CDH4: variants seen among roughly 807,000 people sequenced by gnomAD.
CDH4 encodes the protein cadherin-4.
CDH4 carries 33 observed loss-of-function variants against 86.0 expected under a neutral mutation model. That is an observed-to-expected ratio of 0.38 (90% CI 0.29 to 0.51). The LOEUF is 0.51. Ranked by LOEUF, CDH4 falls within the 20% of genes least tolerant of loss-of-function variation. The pLI is 0.86. For missense variants in CDH4, 1,114 were observed against 1,307.4 expected (o/e 0.85, Z 2.28); for synonymous variants, 555 against 549.4 (o/e 1.01, Z -0.14).
At chr20:61,422,909 A>C (rs2085188043) in intron 2 of CDH4, among the ~76,000 whole-genome samples, 1 of 152,180 alleles carries the variant, frequency 6.6e-6, no homozygotes, top group Admixed American at 6.5e-5. Context: ...TCAGGTGTCA[A>C]TCAGGATTCC....
chr20:61,933,360 C>T (rs529914124), intron 14 of CDH4, among the ~76,000 whole-genome samples: 1 of 152,360 alleles, frequency 6.6e-6, no homozygotes, highest in South Asian at 2.1e-4. Context: ...CCTCCCATCA[C>T]CAGCCCCAGC....
At chr20:61,430,927 G>A (rs1937385004) in intron 2 of CDH4, among the ~76,000 whole-genome samples, 1 of 152,204 alleles carries the variant, frequency 6.6e-6, no homozygotes, top group Admixed American at 6.5e-5. Context: ...GGGTTCCTGT[G>A]GAACAGGGTG....
intron 2 of CDH4, chr20:61,570,831 T>G (rs73136669): frequency 0.044 from 30,771 of 700,542 alleles, 1,745 homozygotes; most frequent in African/African-American, 0.21. Flanking sequence ...TGCTGCTGTT[T>G]TCTTCCCCTT....
At chr20:61,494,492 T>C (rs377444986) in intron 2 of CDH4, among the ~76,000 whole-genome samples, 4 of 152,250 alleles carry the variant, frequency 2.6e-5, no homozygotes, top group East Asian at 3.8e-4. Context: ...GGCTTTTCTT[T>C]TTCTCTCCAA....
intron 2 of CDH4, among the ~76,000 whole-genome samples, chr20:61,358,492 A>G (rs2084765853): frequency 6.6e-6 from 1 of 152,230 alleles, no homozygotes; most frequent in Admixed American, 6.5e-5. Flanking sequence ...AAAGCTGAAT[A>G]AACTATAAGC....
intron 2 of CDH4, among the ~76,000 whole-genome samples, chr20:61,525,731 G>A (rs1402863358): frequency 6.6e-6 from 1 of 152,170 alleles, no homozygotes; most frequent in Non-Finnish European, 1.5e-5. Flanking sequence ...AACTCCCAGG[G>A]ATTCTGCAGG....
At chr20:61,337,355 GTGA>G (rs60373917) in intron 2 of CDH4, among the ~76,000 whole-genome samples, 3 of 65,794 alleles carry the variant, frequency 4.6e-5, no homozygotes, top group East Asian at 7.6e-4. Flanking sequence ...GATAACAATG[GTGA>G]TGATGATGAT....
chr20:61,792,473 T>C (rs991633627), intron 4 of CDH4, among the ~76,000 whole-genome samples: 1 of 152,202 alleles, frequency 6.6e-6, no homozygotes, highest in African/African-American at 2.4e-5. Flanking sequence ...GAGTTAAGTC[T>C]GCTGGGCTGA....
intron 2 of CDH4, among the ~76,000 whole-genome samples, chr20:61,425,006 C>T (rs1218199131): frequency 6.6e-6 from 1 of 152,258 alleles, no homozygotes; most frequent in Non-Finnish European, 1.5e-5. Flanking sequence ...CCTACAGCCT[C>T]CTAGCCGGTG....
In CDH4 at chr20:61,383,570, A is replaced by T. The variant is rs1166276668; in HGVS notation, c.169+128633A>T. Among the ~76,000 whole-genome samples, 4 of 42,340 alleles carry T rather than the reference A, an allele frequency of 9.4e-5. 1 individual carries two copies. Among genetic ancestry groups the T allele is most frequent in the African/African-American group, 1.7e-4 (1 of 5,764 alleles). 27.8% of individuals were successfully genotyped at this position (42,340 alleles called of 152,430 possible). ...GAATATATATGATATATGATATATG[A>T]TATATATGAATATATATGAATATAT... On this transcript the variant is annotated intron_variant, in intron 2 of 15. Transcript: ENST00000614565.
At chr20:61,530,430 C>T (rs530825103) in intron 2 of CDH4, among the ~76,000 whole-genome samples, 2 of 152,206 alleles carry the variant, frequency 1.3e-5, no homozygotes, top group South Asian at 4.2e-4. Context: ...TTGACTGAAG[C>T]TGTACATGGC....
intron 2 of CDH4, among the ~76,000 whole-genome samples, chr20:61,569,700 C>T (rs1027107783): frequency 3.3e-5 from 5 of 151,786 alleles, no homozygotes; most frequent in Admixed American, 6.6e-5. Flanking sequence ...TTTGAGGCGG[C>T]GACCTCCCGC....
At chr20:61,333,116 G>T (rs1277563961) in intron 2 of CDH4, among the ~76,000 whole-genome samples, 1 of 152,208 alleles carries the variant, frequency 6.6e-6, no homozygotes, top group Non-Finnish European at 1.5e-5. Flanking sequence ...GGCCTTTTGA[G>T]AGCAGGGAAC....
intron 2 of CDH4, among the ~76,000 whole-genome samples, chr20:61,543,229 G>A (rs2086053692): frequency 6.6e-6 from 1 of 152,180 alleles, no homozygotes; most frequent in Non-Finnish European, 1.5e-5. Context: ...GACACACCCA[G>A]GAGCAGTACT....
chr20:61,433,030 G>C (rs1050671447), intron 2 of CDH4, among the ~76,000 whole-genome samples: 9 of 151,592 alleles, frequency 5.9e-5, no homozygotes, highest in Non-Finnish European at 1.2e-4. Context: ...GTAGAGATGG[G>C]GTTTTACCAT....
intron 2 of CDH4, among the ~76,000 whole-genome samples, chr20:61,581,967 C>T (rs941531033): frequency 3.9e-5 from 6 of 152,212 alleles, no homozygotes; most frequent in Middle Eastern, 3.2e-3. Flanking sequence ...AGGGTCCCAG[C>T]GTTCGGCATG....
chr20:61,358,559 T>A (rs1474002113), intron 2 of CDH4, among the ~76,000 whole-genome samples: 1 of 152,232 alleles, frequency 6.6e-6, no homozygotes, highest in African/African-American at 2.4e-5. Context: ...AATTTAAATA[T>A]CAGCATTATT....
At chr20:61,692,918 T>G (rs748392586) in intron 2 of CDH4, among the ~76,000 whole-genome samples, 4 of 152,042 alleles carry the variant, frequency 2.6e-5, no homozygotes, top group Admixed American at 6.6e-5. Flanking sequence ...CACATTTTCC[T>G]GAAAGCCTTG....
chr20:61,803,015 C>A (rs1037681867), intron 4 of CDH4, among the ~76,000 whole-genome samples: 3 of 152,226 alleles, frequency 2.0e-5, no homozygotes, highest in South Asian at 2.1e-4. Context: ...CTTGTCACTG[C>A]CGGGGCCTGA....
Sources: gnomAD v4.1 joint callset for allele counts (sites outside exome capture counted in the v4.1 genomes callset) on GRCh38, gnomAD v4.1.1 for gene constraint, MANE v1.5 for transcripts, NCBI Gene and HGNC (gene_info 2026-07-23, HGNC 2026-07-21) for gene names.